PLCB1: variants seen among roughly 807,000 people sequenced by gnomAD.
PLCB1 encodes the protein phospholipase C beta 1.
PLCB1 carries 46 observed loss-of-function variants against 161.8 expected under a neutral mutation model. That is an observed-to-expected ratio of 0.28 (90% CI 0.22 to 0.36). PLCB1 has a LOEUF of 0.36. PLCB1 is among the 10% of genes least tolerant of loss of function. PLCB1 has a pLI of 1.00. For missense variants in PLCB1, 1,016 were observed against 1,472.5 expected, an observed-to-expected ratio of 0.69 and a Z score of 5.07; for synonymous variants, 517 against 503.7, an observed-to-expected ratio of 1.03 and a Z score of -0.35.
chr20:8,289,773 CT>C (rs1246096531), intron 2 of PLCB1, among the ~76,000 whole-genome samples: 79 of 152,182 alleles, frequency 5.2e-4, no homozygotes, highest in Non-Finnish European at 4.4e-5. Flanking sequence ...ACGAGCATGA[CT>C]CAATGGGAGA....
chr20:8,458,215 G>C (rs1157808950), intron 3 of PLCB1, among the ~76,000 whole-genome samples: 5 of 152,288 alleles, frequency 3.3e-5, no homozygotes, highest in Admixed American at 3.3e-4. Context: ...CGTGACTGTT[G>C]GGGCCAGTTG....
intron 15 of PLCB1, among the ~76,000 whole-genome samples, chr20:8,724,427 G>C (rs978327234): frequency 1.3e-5 from 2 of 152,004 alleles, no homozygotes; most frequent in Non-Finnish European, 2.9e-5. Flanking sequence ...GATTATGTTG[G>C]GGCCATGCTG....
chr20:8,518,908 A>G (rs996171126), intron 3 of PLCB1, among the ~76,000 whole-genome samples: 2 of 151,954 alleles, frequency 1.3e-5, no homozygotes, highest in African/African-American at 2.4e-5. Flanking sequence ...CATAAGGAGC[A>G]TGCAAAGTAG....
intron 2 of PLCB1, among the ~76,000 whole-genome samples, chr20:8,251,418 G>C (rs2123223686): frequency 6.6e-6 from 1 of 152,008 alleles, no homozygotes; most frequent in Non-Finnish European, 1.5e-5. Flanking sequence ...GGTGCACAGA[G>C]AGGAGTTTGC....
chr20:8,788,359 C>T, intron 27 of PLCB1, 90 bp from the exon 28 acceptor site: 2 of 1,183,192 alleles, frequency 1.7e-6, no homozygotes. Context: ...CACAGATATT[C>T]TAACTATAGA....
chr20:8,349,863 G>A (rs1986124201), intron 2 of PLCB1, among the ~76,000 whole-genome samples: 1 of 151,864 alleles, frequency 6.6e-6, no homozygotes, highest in Admixed American at 6.6e-5. Flanking sequence ...CAGTTGAAGA[G>A]GAAGAGAATC....
intron 2 of PLCB1, among the ~76,000 whole-genome samples, chr20:8,347,762 A>G (rs1986042642): frequency 6.6e-6 from 1 of 152,198 alleles, no homozygotes. Context: ...AAAATGAAAC[A>G]TAAAGATGAT....
chr20:8,583,175 T>C (rs1305913662), intron 3 of PLCB1, among the ~76,000 whole-genome samples: 2 of 152,022 alleles, frequency 1.3e-5, no homozygotes, highest in African/African-American at 4.8e-5. Flanking sequence ...GAAGGTAGGA[T>C]GGTGGTTGCC....
intron 3 of PLCB1, among the ~76,000 whole-genome samples, chr20:8,609,982 A>T (rs1312346376): frequency 6.6e-6 from 1 of 152,168 alleles, no homozygotes; most frequent in African/African-American, 2.4e-5. Context: ...TAGATGTAAA[A>T]TGAGCATCAG....
At chr20:8,628,022 T>C (rs953071688) in intron 3 of PLCB1, among the ~76,000 whole-genome samples, 2 of 152,178 alleles carry the variant, frequency 1.3e-5, no homozygotes, top group Non-Finnish European at 2.9e-5. Context: ...TAGAGAACCA[T>C]GACACATAAA....
At position 8,667,685 on chromosome 20, in the gene PLCB1, A is replaced by T. The variant is rs371173740; in HGVS notation, c.862+8981A>T. Among the ~76,000 whole-genome samples, 6 of 152,330 alleles carry T rather than the reference A, an allele frequency of 3.9e-5. No homozygotes were observed. The East Asian group carries it at 7.7e-4, about 20-fold the overall frequency. Reference sequence around the variant, plus strand: ...TTGTTCAGAAAATAACCAGACAGGAAAAATATAAACAGTAAAAGGCAAAAT... The same window carrying T: ...TTGTTCAGAAAATAACCAGACAGGATAAATATAAACAGTAAAAGGCAAAAT... On this transcript the variant is annotated intron_variant, in intron 9 of 31. Coordinates refer to ENST00000338037, the MANE Select transcript of PLCB1 (RefSeq NM_015192.4).
At position 8,596,835 on chromosome 20, in the gene PLCB1, T is replaced by C. The variant is rs1600179594; in HGVS notation, c.247-31459T>C. Among the ~76,000 whole-genome samples the C allele has an allele frequency of 2.7e-5, 4 of 149,178 alleles. No homozygotes were observed. In the South Asian group the frequency reaches 8.6e-4, roughly 32 times the overall value. ...TCCTTCACATCCCTTGTAAGTTGGA[T>C]TCCTAGGTATTTTATTCTCTTTGAA... is the stretch of plus-strand genomic sequence containing the variant. On this transcript the variant is annotated intron_variant, in intron 3 of 31. Coordinates refer to ENST00000338037, the MANE Select transcript of PLCB1 (RefSeq NM_015192.4).
At chr20:8,451,588 G>C (rs1981076523) in intron 3 of PLCB1, among the ~76,000 whole-genome samples, 1 of 152,086 alleles carries the variant, frequency 6.6e-6, no homozygotes, top group Non-Finnish European at 1.5e-5. Context: ...GACCTCAAGT[G>C]ACCCACCCAC....
intron 31 of PLCB1, among the ~76,000 whole-genome samples, chr20:8,806,550 C>T (rs1984547107): frequency 6.6e-6 from 1 of 151,964 alleles, no homozygotes. Context: ...GGTTTGCTTC[C>T]CCTGAGGTCT....
At chr20:8,224,295 G>A (rs914264877) in intron 2 of PLCB1, among the ~76,000 whole-genome samples, 1 of 152,076 alleles carries the variant, frequency 6.6e-6, no homozygotes, top group African/African-American at 2.4e-5. Flanking sequence ...CTATCTTTAA[G>A]GGTGGATTAG....
At chr20:8,186,973 T>G (rs1457234994) in intron 2 of PLCB1, among the ~76,000 whole-genome samples, 2 of 152,144 alleles carry the variant, frequency 1.3e-5, no homozygotes, top group Non-Finnish European at 2.9e-5. Flanking sequence ...GGCCCCAGCC[T>G]AAATGGGGTG....
At chr20:8,746,007 C>G (rs1303473228) in intron 23 of PLCB1, among the ~76,000 whole-genome samples, 1 of 152,210 alleles carries the variant, frequency 6.6e-6, no homozygotes, top group Admixed American at 6.5e-5. Context: ...TCTCGGCTCA[C>G]TGCAGCCTCG....
rs146304198 is a variant in PLCB1 at position 8,150,308 on chromosome 20, T to C, written c.114T>C (p.Val38=). ...TACATTTCTAGGACTCAACTATTGT[T>C]ACTCCAATTATTTTGAGGACTGACC... ...FVKWDDDSTI[V]TPIILRTDPQ... Residue 38 remains valine (V), a synonymous_variant, in exon 2 of 32, where the codon GTT becomes GTC. Transcript: ENST00000338037. 8.6e-6 allele frequency: 13 copies of C among 1,513,938 alleles called. No individual in the cohort carries two copies. In the African/African-American group the frequency reaches 1.7e-4, roughly 19 times the overall value. 93.8% of individuals were successfully genotyped at this position (1,513,938 alleles called of 1,614,324 possible).
intron 14 of PLCB1, among the ~76,000 whole-genome samples, chr20:8,718,308 T>G (rs1407322722): frequency 2.6e-5 from 4 of 152,218 alleles, no homozygotes; most frequent in African/African-American, 9.6e-5. Flanking sequence ...TGGTTTTCTC[T>G]TGCTGCTACA....
Sources: gnomAD v4.1 joint callset for allele counts (sites outside exome capture counted in the v4.1 genomes callset) on GRCh38, gnomAD v4.1.1 for gene constraint, MANE v1.5 for transcripts, NCBI Gene and HGNC (gene_info 2026-07-23, HGNC 2026-07-21) for gene names.